The following DNAH6 variants were observed in gnomAD, a reference collection of about 807,000 sequenced individuals.
DNAH6 encodes the protein dynein axonemal heavy chain 6, also known as axonemal beta dynein heavy chain 6.
Under a neutral mutation model 491.4 loss-of-function variants are expected in DNAH6, and 340 were observed. The ratio of observed to expected loss-of-function variants is 0.69; its 90% CI spans 0.63 to 0.76. The LOEUF is 0.76. DNAH6 is among the 30% of genes least tolerant of loss of function. The pLI is 0.00. For synonymous variants in DNAH6, 1,603 were observed against 1,686.1 expected, an observed-to-expected ratio of 0.95 and a Z score of 1.21; for missense variants, 4,443 against 4,972.2, an observed-to-expected ratio of 0.89 and a Z score of 3.20.
chr2:84,588,640 T>A (rs796944991), intron 15 of DNAH6, among the ~76,000 whole-genome samples, 186 bp from the exon 16 acceptor site: 6 of 152,340 alleles, frequency 3.9e-5, no homozygotes, highest in African/African-American at 1.4e-4. Flanking sequence ...TATATAAATG[T>A]GTACTTTTTA....
intron 63 of DNAH6, among the ~76,000 whole-genome samples, chr2:84,761,502 T>C (rs1302083833): frequency 6.6e-6 from 1 of 151,830 alleles, no homozygotes; most frequent in Admixed American, 6.6e-5. Flanking sequence ...CCAAAAAAAA[T>C]ATAAAGAAAT....
intron 59 of DNAH6, among the ~76,000 whole-genome samples, chr2:84,720,633 G>A (rs1317541706): frequency 1.3e-5 from 2 of 151,998 alleles, no homozygotes; most frequent in Non-Finnish European, 2.9e-5. Flanking sequence ...TTTATAAATC[G>A]GGTGAGTTCG....
chr2:84,632,310 G>A (rs994196990), intron 29 of DNAH6, among the ~76,000 whole-genome samples: 9 of 152,222 alleles, frequency 5.9e-5, no homozygotes, highest in African/African-American at 1.7e-4. Context: ...TGTGGCACGC[G>A]TTCACCAAGT....
At chr2:84,785,088 T>C (rs1677053060) in intron 66 of DNAH6, among the ~76,000 whole-genome samples, 1 of 152,170 alleles carries the variant, frequency 6.6e-6, no homozygotes, top group Non-Finnish European at 1.5e-5. Flanking sequence ...GAACCCCTTC[T>C]AGTGTTAAGG....
chr2:84,512,676 C>T (rs776288090), upstream of DNAH6, among the ~76,000 whole-genome samples: 10 of 152,158 alleles, frequency 6.6e-5, no homozygotes, highest in Non-Finnish European at 1.0e-4. Context: ...TGTTTTGGGA[C>T]TGTGTTTTTA....
At chr2:84,495,255 C>T in the DNAH6 span, among the ~76,000 whole-genome samples, 5 of 152,340 alleles carry the variant, frequency 3.3e-5, no homozygotes, top group African/African-American at 9.6e-5. Context: ...CTCCACCTCC[C>T]GGGTTCACTC....
At chr2:84,816,725 A>G (rs1460900883) in intron 76 of DNAH6, among the ~76,000 whole-genome samples, 2 of 152,198 alleles carry the variant, frequency 1.3e-5, no homozygotes, top group South Asian at 4.1e-4. Flanking sequence ...ACTCCATCAT[A>G]AATAAGTAAA....
intron 49 of DNAH6, among the ~76,000 whole-genome samples, chr2:84,701,821 T>G (rs1224579103): frequency 6.6e-6 from 1 of 152,184 alleles, no homozygotes; most frequent in Non-Finnish European, 1.5e-5. Flanking sequence ...CATTTCAACA[T>G]GAGATTTGGG....
chr2:84,517,344 G>A (rs1416780514), intron 1 of DNAH6, among the ~76,000 whole-genome samples: 1 of 152,196 alleles, frequency 6.6e-6, no homozygotes, highest in African/African-American at 2.4e-5. Context: ...CAGAAGCACT[G>A]TGTAAGAAAT....
chr2:84,572,134 A>G (rs1422392412), intron 11 of DNAH6, among the ~76,000 whole-genome samples: 1 of 152,212 alleles, frequency 6.6e-6, no homozygotes, highest in East Asian at 1.9e-4. Context: ...GTGGTTATGT[A>G]AGAAAATGTC....
At chr2:84,498,717 CT>C in the DNAH6 span, among the ~76,000 whole-genome samples, 4,229 of 146,372 alleles carry the variant, frequency 0.029, 90 homozygotes, top group Middle Eastern at 0.1. Context: ...TCATGTGCTA[CT>C]TTTTTTTTTT....
intron 2 of DNAH6, among the ~76,000 whole-genome samples, chr2:84,519,169 G>C: frequency 6.6e-6 from 1 of 152,016 alleles, no homozygotes; most frequent in African/African-American, 2.4e-5. Flanking sequence ...CCAACAGCCT[G>C]TATCAACTGA....
intron 48 of DNAH6, among the ~76,000 whole-genome samples, chr2:84,700,712 A>C (rs935323794): frequency 6.6e-6 from 1 of 152,232 alleles, no homozygotes; most frequent in African/African-American, 2.4e-5. Flanking sequence ...TGAGGTGTGC[A>C]GGGCAGTGAT....
At chr2:84,537,334 C>T (rs1186920173) in intron 4 of DNAH6, among the ~76,000 whole-genome samples, 1 of 151,922 alleles carries the variant, frequency 6.6e-6, no homozygotes, top group African/African-American at 2.4e-5. Flanking sequence ...TGAGCATGTG[C>T]CCTGTAGGAA....
intron 9 of DNAH6, among the ~76,000 whole-genome samples, chr2:84,550,653 T>C (rs1679248105): frequency 6.6e-6 from 1 of 152,134 alleles, no homozygotes; most frequent in African/African-American, 2.4e-5. Context: ...CATGTGTTCA[T>C]TGACATATTT....
intron 64 of DNAH6, among the ~76,000 whole-genome samples, chr2:84,771,790 T>TC (rs1456554871): frequency 6.6e-6 from 1 of 152,118 alleles, no homozygotes; most frequent in East Asian, 1.9e-4. Flanking sequence ...ACTGAGAAGG[T>TC]CTGTCACTAG....
At chr2:84,680,980 T>C (rs1693726979) in intron 41 of DNAH6, among the ~76,000 whole-genome samples, 1 of 152,020 alleles carries the variant, frequency 6.6e-6, no homozygotes, top group Admixed American at 6.5e-5. Flanking sequence ...AAGATGAAAG[T>C]CTATGAGAGT....
chr2:84,745,101 A>G lies in DNAH6; in HGVS notation c.10364A>G (p.Asn3455Ser). 1 of 1,531,834 alleles carries G rather than the reference A, an allele frequency of 6.5e-7. No homozygotes were observed. Among genetic ancestry groups the G allele is most frequent in the Non-Finnish European group, 8.8e-7 (1 of 1,138,108 alleles). The allele number at this position is 1,531,834 out of a possible 1,614,324, so 94.9% of individuals were successfully genotyped here. The change falls in exon 63 of 77, where the codon AAC becomes AGC. Residue 3455 changes from asparagine to serine, a missense_variant. Physicochemically the swap from Asn to Ser is conservative, Grantham distance 46. This residue lies in a region of DNAH6 where 1,463 missense variants were observed against 1,656.6 expected (regional missense o/e 0.88). Coordinates refer to ENST00000389394, the MANE Select transcript of DNAH6 (RefSeq NM_001370.2). ...IRLGSFETYINPQKWEGYSKM... is the reference protein window; with the variant it reads ...IRLGSFETYISPQKWEGYSKM... Reference sequence around the variant, plus strand: ...CCAGGATCTTTTGAGACTTATATTAACCCACAGAAATGGGAAGGCTATTCT... The same window carrying G: ...CCAGGATCTTTTGAGACTTATATTAGCCCACAGAAATGGGAAGGCTATTCT...
Position 84,658,371 on chromosome 2 carries a change from A to C in DNAH6, c.5837A>C (p.Lys1946Thr). 1 of 1,549,124 alleles carries C rather than the reference A, an allele frequency of 6.5e-7. No individual in the cohort carries two copies. Among genetic ancestry groups the C allele is most frequent in the Non-Finnish European group, 8.7e-7 (1 of 1,145,444 alleles). The change falls in exon 36 of 77, where the codon AAG (lysine) becomes ACG (threonine). Residue 1946 changes from lysine to threonine, a missense_variant. By Grantham distance (78) the Lys-to-Thr change is moderately conservative. This residue lies in a region of DNAH6 where 2,977 missense variants were observed against 3,296.6 expected (regional missense o/e 0.90). Transcript: ENST00000389394. ...VDEGLHFINK[K>T]CSQAIPQVDI... ...GAAGGTTTACATTTTATCAATAAAA[A>C]GTGCAGCCAAGCAATTCCACAAGTG...
Sources: gnomAD v4.1 joint callset for allele counts (sites outside exome capture counted in the v4.1 genomes callset) on GRCh38, gnomAD v4.1.1 for gene constraint, gnomAD v4.1.1 regional missense constraint, MANE v1.5 for transcripts, NCBI Gene and HGNC (gene_info 2026-07-23, HGNC 2026-07-21) for gene names.